ADCK5: variants seen among roughly 807,000 people sequenced by gnomAD.
ADCK5 encodes the protein uncharacterized aarF domain-containing protein kinase 5.
In ADCK5, 43 loss-of-function variants were observed where a neutral mutation model predicts 64.9. The ratio of observed to expected loss-of-function variants is 0.66; its 90% CI spans 0.52 to 0.85. The LOEUF is 0.85. Ranked by LOEUF, ADCK5 falls within the 40% of genes least tolerant of loss-of-function variation. ADCK5 has a pLI of 0.00. For missense variants in ADCK5, 760 were observed against 810.5 expected (o/e 0.94, Z 0.76); for synonymous variants, 434 against 342.8 (o/e 1.27, Z -2.94).
At position 144,392,684 on chromosome 8, in the gene ADCK5, C is replaced by T. The variant is rs1484704517; in HGVS notation, c.1507C>T (p.Leu503Phe). 2 of 1,596,344 alleles carry T rather than the reference C, an allele frequency of 1.3e-6. No individual in the cohort carries two copies. The highest frequency in any genetic ancestry group is 1.7e-6 in the Non-Finnish European group (2 of 1,171,956). The change falls in exon 13 of 15, where the codon CTT becomes TTT. Residue 503 changes from leucine to phenylalanine, a missense_variant. Around this residue, in one of 2 missense-constraint regions of ADCK5, gnomAD observed 333 missense variants for 292.0 expected, o/e 1.14. Transcript: ENST00000308860. ...CGGCGCCCCCGTGGACCGCTACTTC[C>T]TTATGGCTAAAAGGTCGGTGGCCCG... is the stretch of plus-strand genomic sequence containing the variant. ...ALGAPVDRYF[L>F]MAKRAVRGWS...
At chr8:144,382,864 C>G (rs1197867803) in intron 2 of ADCK5, among the ~76,000 whole-genome samples, 4 of 152,250 alleles carry the variant, frequency 2.6e-5, no homozygotes, top group African/African-American at 9.6e-5. Flanking sequence ...ATGAGACCTG[C>G]CCCTTATGGC....
chr8:144,392,059 G>T, intron 10 of ADCK5, 33 bp from the exon 11 acceptor site: 1 of 1,612,384 alleles, frequency 6.2e-7, no homozygotes, highest in Non-Finnish European at 8.5e-7. Flanking sequence ...TCTCAGGGTG[G>T]GCGCAGCGCG....
At chr8:144,383,023 A>G (rs2130703756) in intron 2 of ADCK5, 58 bp from the exon 3 acceptor site, 1 of 1,556,186 alleles carries the variant, frequency 6.4e-7, no homozygotes, top group Non-Finnish European at 8.7e-7. Context: ...GGGGGCAGAG[A>G]TCAGAGCCCA....
rs781893148 is a variant in ADCK5, at chr8:144,392,680, C to T, written c.1503C>T (p.Tyr501=). 81 of 1,596,782 alleles carry T rather than the reference C, an allele frequency of 5.1e-5. 2 individuals carry two copies. The highest frequency in any genetic ancestry group is 7.8e-5 in the South Asian group (7 of 90,304). ...CCCTCGGCGCCCCCGTGGACCGCTACTTCCTTATGGCTAAAAGGTCGGTGG... is the reference window on the plus strand; with the variant it reads ...CCCTCGGCGCCCCCGTGGACCGCTATTTCCTTATGGCTAAAAGGTCGGTGG... ...NVALGAPVDR[Y]FLMAKRAVRG... is the part of the protein sequence containing the mutation. The change falls in exon 13 of 15, where the codon TAC becomes TAT. Residue 501 remains tyrosine, a synonymous_variant. Coordinates refer to ENST00000308860, the MANE Select transcript of ADCK5 (RefSeq NM_174922.5).
chr8:144,390,262 G>A (rs1820148434), intron 3 of ADCK5, among the ~76,000 whole-genome samples: 1 of 152,174 alleles, frequency 6.6e-6, no homozygotes, highest in African/African-American at 2.4e-5. Context: ...GAGGAGCTGG[G>A]ACCACAGGTG....
chr8:144,378,856 G>A (rs1208242610), intron 1 of ADCK5, among the ~76,000 whole-genome samples: 1 of 152,004 alleles, frequency 6.6e-6, no homozygotes, highest in Non-Finnish European at 1.5e-5. Flanking sequence ...TCCAGCCTGG[G>A]CGACAGAGTG....
At chr8:144,375,546 T>C in intron 1 of ADCK5, 1 of 985,394 alleles carries the variant, frequency 1.0e-6, no homozygotes, top group Non-Finnish European at 1.2e-6. Flanking sequence ...ATCCTCCTCA[T>C]CTGCAGGCGC....
At chr8:144,374,318 G>T (rs1025108295) in intron 1 of ADCK5, among the ~76,000 whole-genome samples, 4 of 152,000 alleles carry the variant, frequency 2.6e-5, no homozygotes, top group Non-Finnish European at 5.9e-5. Flanking sequence ...CGATCCTCCC[G>T]CCTCGGCCCC....
intron 3 of ADCK5, among the ~76,000 whole-genome samples, chr8:144,385,508 C>T (rs1416541805): frequency 1.3e-5 from 2 of 150,686 alleles, no homozygotes; most frequent in African/African-American, 2.4e-5. Context: ...CCACCAGGCG[C>T]GGTGGCTCAC....
rs1554860999 is a variant in ADCK5 at position 144,392,163 on chromosome 8, G to A, written c.1168G>A (p.Glu390Lys). Residue 390 changes from glutamate (E) to lysine (K), a missense_variant, in exon 11 of 15, where the codon GAG (glutamate) becomes AAG (lysine). Transcript: ENST00000308860. ...LLDHGLYQFL[E>K]EKDRAALCQL... ...GGACCACGGGCTCTACCAGTTCCTGGAGGAGAAGTGAGCGCGGGTGGGTGG... is the reference window on the plus strand; with the variant it reads ...GGACCACGGGCTCTACCAGTTCCTGAAGGAGAAGTGAGCGCGGGTGGGTGG... 1.9e-6 allele frequency: 3 copies of A among 1,579,106 alleles called. No individual in the cohort carries two copies. The highest frequency in any genetic ancestry group is 1.8e-5 in the Admixed American group (1 of 56,142).
In ADCK5 at chr8:144,383,120, C is replaced by T. The variant is rs1554858621; in HGVS notation, c.156C>T (p.Ser52=). 2.5e-6 allele frequency: 4 copies of T among 1,587,634 alleles called. No individual in the cohort carries two copies. Among genetic ancestry groups the T allele is most frequent in the Non-Finnish European group, 2.6e-6 (3 of 1,167,216 alleles). Residue 52 remains serine, a synonymous_variant, in exon 3 of 15, where the codon TCC becomes TCT. Coordinates refer to ENST00000308860, the MANE Select transcript of ADCK5 (RefSeq NM_174922.5). ...SPTPLWRKVL[S]TAVVGAPLLL... ...CACCCCTGTGGAGGAAGGTGCTCTC[C>T]ACCGCGGTAGTGGGGGCGCCCCTGC...
At chr8:144,375,869 T>A (rs115926500) in intron 1 of ADCK5, among the ~76,000 whole-genome samples, 1 of 152,200 alleles carries the variant, frequency 6.6e-6, no homozygotes, top group Non-Finnish European at 1.5e-5. Context: ...TCAGGTGTGT[T>A]GGGGGAAGGC....
At chr8:144,382,612 T>C (rs1819727582) in intron 2 of ADCK5, among the ~76,000 whole-genome samples, 1 of 152,220 alleles carries the variant, frequency 6.6e-6, no homozygotes, top group Non-Finnish European at 1.5e-5. Context: ...TGGGGCAAGC[T>C]CTGTTTCTTG....
In ADCK5 at chr8:144,390,895, C is replaced by G; in HGVS notation, c.382C>G (p.Gln128Glu). 1 of 1,612,874 alleles carries G rather than the reference C, an allele frequency of 6.2e-7. No individual in the cohort carries two copies. The highest frequency in any genetic ancestry group is 8.5e-7 in the Non-Finnish European group (1 of 1,179,990). Residue 128 changes from glutamine to glutamate, a missense_variant, in exon 5 of 15, where the codon CAG (glutamine) becomes GAG (glutamate). Physicochemically the swap from Gln to Glu is conservative, Grantham distance 29. This residue lies in a region of ADCK5 where 427 missense variants were observed against 518.4 expected (regional missense o/e 0.82). Coordinates refer to ENST00000308860, the MANE Select transcript of ADCK5 (RefSeq NM_174922.5). ...GYLEVMSACH[Q>E]RAADALVAGA... Reference sequence around the variant, plus strand: ...CTTGGAGGTGATGTCTGCGTGTCACCAGCGGGCGGCTGATGCCCTGGTGGC... The same window carrying G: ...CTTGGAGGTGATGTCTGCGTGTCACGAGCGGGCGGCTGATGCCCTGGTGGC...
Position 144,393,094 on chromosome 8 carries a change from G to A in ADCK5, c.*20G>A, listed in dbSNP as rs1052951. 572,303 of 1,529,332 alleles carry A rather than the reference G, an allele frequency of 0.37. 112,451 individuals are homozygous for A. Among genetic ancestry groups the A allele is most frequent in the East Asian group, 0.67 (27,826 of 41,510 alleles). 94.7% of individuals were successfully genotyped at this position (1,529,332 alleles called of 1,614,324 possible). A position where few individuals can be genotyped will look rare whatever the true frequency, so the allele number is the denominator to read the frequency against. ...ACCTAGGGTGCAGCCGCCCAGGGCC[G>A]GCGGGGCCCTTTTCACCTTGGGCTG... On this transcript the variant is annotated 3_prime_UTR_variant, in exon 15 of 15. Transcript: ENST00000308860.
Position 144,391,161 on chromosome 8 carries a change from C to T in ADCK5, c.571C>T (p.Gln191Ter). 6.2e-7 allele frequency: 1 copy of T among 1,611,710 alleles called. No individual in the cohort carries two copies. Among genetic ancestry groups the T allele is most frequent in the Non-Finnish European group, 8.5e-7 (1 of 1,180,006 alleles). ...EVDELFLEDFQALPHELFQEF... is the reference protein window; with the variant it reads ...EVDELFLEDF ...GGATGAGTTGTTCCTTGAGGACTTC[C>T]AGGCCCTCCCCCACGAGCTCTTCCA... Residue 191 changes from glutamine to a stop codon, truncating the protein, a stop_gained, in exon 6 of 15, where the codon CAG becomes TAG. Transcript: ENST00000308860. LOFTEE classifies it high-confidence loss of function.
chr8:144,393,153 C>T lies in ADCK5; in HGVS notation c.*79C>T, dbSNP rs975831854. On this transcript the variant is annotated 3_prime_UTR_variant, in exon 15 of 15. Coordinates refer to ENST00000308860, the MANE Select transcript of ADCK5 (RefSeq NM_174922.5). Reference sequence around the variant, plus strand: ...GGCGGGGCTAGAGGTGTAGACACCCCGAGCCCCGTGGGCACTCGCACTGGG... The same window carrying T: ...GGCGGGGCTAGAGGTGTAGACACCCTGAGCCCCGTGGGCACTCGCACTGGG... 25 of 1,405,388 alleles carry T rather than the reference C, an allele frequency of 1.8e-5. 1 individual carries two copies. In the South Asian group the frequency reaches 2.8e-4, roughly 16 times the overall value. 87.1% of individuals were successfully genotyped at this position (1,405,388 alleles called of 1,614,324 possible).
chr8:144,388,261 G>A (rs546896685), intron 3 of ADCK5, among the ~76,000 whole-genome samples: 1 of 151,394 alleles, frequency 6.6e-6, no homozygotes, highest in Non-Finnish European at 1.5e-5. Context: ...GGAGGCTGAG[G>A]CGGGAGAATT....
At chr8:144,380,646 G>C (rs1235246900) in intron 2 of ADCK5, among the ~76,000 whole-genome samples, 1 of 13,480 alleles carries the variant, frequency 7.4e-5, no homozygotes, top group African/African-American at 2.8e-4. Flanking sequence ...TCAGGCGCCT[G>C]CTGCACTCAG....
Sources: gnomAD v4.1 joint callset for allele counts (sites outside exome capture counted in the v4.1 genomes callset) on GRCh38, gnomAD v4.1.1 for gene constraint, gnomAD v4.1.1 regional missense constraint, MANE v1.5 for transcripts, NCBI Gene and HGNC (gene_info 2026-07-23, HGNC 2026-07-21) for gene names.